SCHIP1: variants seen among roughly 807,000 people sequenced by gnomAD.
The protein encoded by SCHIP1 is schwannomin-interacting protein 1.
In SCHIP1, 8 loss-of-function variants were observed where a neutral mutation model predicts 29.7. The observed-to-expected ratio is 0.27, with a 90% CI of 0.16 to 0.49. The LOEUF is 0.49. SCHIP1 is among the 20% of genes least tolerant of loss of function. The pLI, the probability that SCHIP1 is intolerant of heterozygous loss-of-function variation, is 0.99. For synonymous variants in SCHIP1, 76 were observed against 94.9 expected (o/e 0.80, Z 1.16); for missense variants, 193 against 294.6 (o/e 0.66, Z 2.52).
the SCHIP1 span, among the ~76,000 whole-genome samples, chr3:159,715,457 C>T: frequency 6.6e-6 from 1 of 152,092 alleles, no homozygotes; most frequent in African/African-American, 2.4e-5. Flanking sequence ...CCTCTCTGAG[C>T]TAAAGGAGGA....
chr3:159,699,471 T>C, the SCHIP1 span, among the ~76,000 whole-genome samples: 204 of 152,230 alleles, frequency 1.3e-3, no homozygotes, highest in African/African-American at 4.8e-3. Context: ...GGAAGGAGTG[T>C]TGAGTGAAGT....
chr3:159,438,386 C>T, the SCHIP1 span, among the ~76,000 whole-genome samples: 1 of 152,102 alleles, frequency 6.6e-6, no homozygotes, highest in African/African-American at 2.4e-5. Context: ...CCAGAGCAAG[C>T]TCCTTCGAAG....
chr3:159,702,373 G>A, the SCHIP1 span, among the ~76,000 whole-genome samples: 1 of 152,110 alleles, frequency 6.6e-6, no homozygotes. Context: ...AGTAAATTTT[G>A]ACTAAACCAA....
At chr3:159,760,949 G>A in the SCHIP1 span, among the ~76,000 whole-genome samples, 3 of 152,238 alleles carry the variant, frequency 2.0e-5, no homozygotes, top group African/African-American at 7.2e-5. Flanking sequence ...AATGCAGTGA[G>A]TGTCACGGGC....
the SCHIP1 span, among the ~76,000 whole-genome samples, chr3:159,337,866 A>T: frequency 6.6e-6 from 1 of 152,192 alleles, no homozygotes; most frequent in East Asian, 1.9e-4. Flanking sequence ...AGACATCCAG[A>T]ATATTTCTCA....
the SCHIP1 span, among the ~76,000 whole-genome samples, chr3:159,490,507 CACAA>C: frequency 6.6e-6 from 1 of 152,164 alleles, no homozygotes; most frequent in Non-Finnish European, 1.5e-5. Flanking sequence ...ACCAAACACA[CACAA>C]ACACTCAACT....
the SCHIP1 span, among the ~76,000 whole-genome samples, chr3:159,668,502 T>C: frequency 1.8e-4 from 27 of 151,868 alleles, no homozygotes; most frequent in Admixed American, 1.3e-4. Flanking sequence ...ATTAAAAATC[T>C]TAAAAAATAG....
the SCHIP1 span, among the ~76,000 whole-genome samples, chr3:159,643,268 T>C: frequency 6.6e-6 from 1 of 152,096 alleles, no homozygotes; most frequent in Non-Finnish European, 1.5e-5. Context: ...GAATTCTCAA[T>C]GAGGTAGAAT....
the SCHIP1 span, among the ~76,000 whole-genome samples, chr3:159,626,179 T>TAGATAGATAG: frequency 1.4e-3 from 154 of 106,972 alleles, 7 homozygotes; most frequent in Admixed American, 2.6e-3. Flanking sequence ...TATCTATCTA[T>TAGATAGATAG]CTAGATAGAT....
the SCHIP1 span, among the ~76,000 whole-genome samples, chr3:159,588,781 G>A: frequency 6.6e-6 from 1 of 152,138 alleles, no homozygotes; most frequent in South Asian, 2.1e-4. Flanking sequence ...TTGTAGATGT[G>A]TGGCATTATT....
At chr3:159,467,497 TA>T in the SCHIP1 span, among the ~76,000 whole-genome samples, 323 of 144,754 alleles carry the variant, frequency 2.2e-3, no homozygotes, top group East Asian at 7.6e-3. Flanking sequence ...TTAGAAGACT[TA>T]AAAAAAAAAA....
the SCHIP1 span, among the ~76,000 whole-genome samples, chr3:159,818,359 A>T: frequency 1.3e-5 from 2 of 152,250 alleles, no homozygotes; most frequent in African/African-American, 4.8e-5. Flanking sequence ...AGTAGAAAAG[A>T]GCAGGCAAAG....
the SCHIP1 span, among the ~76,000 whole-genome samples, chr3:159,516,795 C>T: frequency 2.6e-5 from 4 of 152,108 alleles, no homozygotes; most frequent in African/African-American, 9.7e-5. Context: ...ATCATTCATT[C>T]CAGCCTGAGC....
the SCHIP1 span, among the ~76,000 whole-genome samples, chr3:159,817,118 C>T: frequency 1.1e-4 from 17 of 152,214 alleles, no homozygotes; most frequent in Non-Finnish European, 1.8e-4. Context: ...TTATCTCAAG[C>T]GCTTAATAAA....
chr3:159,764,982 G>T, the SCHIP1 span: 7 of 1,516,048 alleles, frequency 4.6e-6, no homozygotes, highest in Non-Finnish European at 6.2e-6. This position sits in a 1 kb window ranked among gnomAD's most constrained non-coding sequence, Gnocchi z 6.1. Flanking sequence ...CGGCTGGGGG[G>T]CTCTGCCTTC....
the SCHIP1 span, chr3:159,722,550 C>A: frequency 6.6e-6 from 1 of 152,116 alleles, no homozygotes; most frequent in South Asian, 2.1e-4. Context: ...TTTATTTCCC[C>A]AATTGTTTAA....
At chr3:159,410,464 A>C in the SCHIP1 span, among the ~76,000 whole-genome samples, 1 of 152,280 alleles carries the variant, frequency 6.6e-6, no homozygotes, top group Admixed American at 6.5e-5. Context: ...AAAAATAGGC[A>C]AAAGATCTGA....
At chr3:159,475,260 A>G in the SCHIP1 span, among the ~76,000 whole-genome samples, 2 of 152,204 alleles carry the variant, frequency 1.3e-5, no homozygotes, top group Non-Finnish European at 2.9e-5. Context: ...GGAATGAAGT[A>G]CTGATACATG....
the SCHIP1 span, among the ~76,000 whole-genome samples, chr3:159,561,434 A>T: frequency 1.3e-5 from 2 of 152,230 alleles, no homozygotes; most frequent in African/African-American, 4.8e-5. Flanking sequence ...CTATTCCAAT[A>T]ATTCATCAGA....
Sources: gnomAD v4.1 joint callset for allele counts (sites outside exome capture counted in the v4.1 genomes callset) on GRCh38, gnomAD v4.1.1 for gene constraint, Gnocchi (gnomAD v3.1) non-coding constraint, MANE v1.5 for transcripts, NCBI Gene and HGNC (gene_info 2026-07-23, HGNC 2026-07-21) for gene names.